Variants in HEPACAM2 observed in about 807,000 individuals in gnomAD.
The protein encoded by HEPACAM2 is HEPACAM family member 2, also known as mitotic kinetics regulator.
In HEPACAM2, 49 loss-of-function variants were observed where a neutral mutation model predicts 49.6. The ratio of observed to expected loss-of-function variants is 0.99; its 90% CI spans 0.78 to 1.25. The LOEUF is 1.25. Among genes scored for constraint, HEPACAM2 ranks in the 50% most tolerant of loss-of-function variants. HEPACAM2 has a pLI of 0.00. For synonymous variants in HEPACAM2, 197 were observed against 202.9 expected (o/e 0.97, Z 0.25); for missense variants, 525 against 557.2 (o/e 0.94, Z 0.58).
chr7:93,219,704 G>T (rs1016757912), intron 1 of HEPACAM2: 23 of 533,028 alleles, frequency 4.3e-5, no homozygotes, highest in Non-Finnish European at 6.7e-5. Context: ...TATTTTCTAC[G>T]ATTGCTACGG....
intron 3 of HEPACAM2, among the ~76,000 whole-genome samples, chr7:93,210,590 G>A (rs1794154383): frequency 6.6e-6 from 1 of 151,826 alleles, no homozygotes; most frequent in South Asian, 2.1e-4. Context: ...TTATTTGAGA[G>A]ATGATGCTAA....
At position 93,208,575 on chromosome 7, in the gene HEPACAM2, C is replaced by T. The variant is rs772075184; in HGVS notation, c.1012+5G>A. The T allele has an allele frequency of 1.3e-5, 21 of 1,609,512 alleles. No individual in the cohort carries two copies. The highest frequency in any genetic ancestry group is 8.5e-7 in the Non-Finnish European group (1 of 1,177,218). ...TAGGATCCCTTCCTTGTATGTCACA[C>T]ATACCTACGGAAGTGATGATAACTG... On this transcript the variant is annotated splice_donor_5th_base_variant and intron_variant, in intron 4 of 9. Transcript: ENST00000394468.
At position 93,189,081 on chromosome 7, in the gene HEPACAM2, GTA is replaced by G. The variant is rs1177474038; in HGVS notation, c.*184_*185del. 3.8e-6 allele frequency: 2 copies of G among 526,062 alleles called. No homozygotes were observed. Among genetic ancestry groups the G allele is most frequent in the Non-Finnish European group, 6.7e-6 (2 of 297,280 alleles). 32.6% of individuals were successfully genotyped at this position (526,062 alleles called of 1,614,324 possible). A position where few individuals can be genotyped will look rare whatever the true frequency, so the allele number is the denominator to read the frequency against. On this transcript the variant is annotated 3_prime_UTR_variant, in exon 10 of 10. Coordinates refer to ENST00000394468, the MANE Select transcript of HEPACAM2 (RefSeq NM_001039372.4). The stretch of plus-strand genomic sequence containing the variant: ...GTTTTTCTGTTGCACAAGACATTGT[GTA>G]TATGCTGAAAAACCTGCAGTTCAAT...
At chr7:93,196,495 A>G (rs1382315754) in intron 7 of HEPACAM2, among the ~76,000 whole-genome samples, 1 of 152,110 alleles carries the variant, frequency 6.6e-6, no homozygotes, top group Non-Finnish European at 1.5e-5. Context: ...ATAAGTCAGG[A>G]AGGGCTAGAA....
intron 4 of HEPACAM2, among the ~76,000 whole-genome samples, chr7:93,202,236 T>C (rs1462062431): frequency 6.6e-6 from 1 of 150,540 alleles, no homozygotes; most frequent in Non-Finnish European, 1.5e-5. Flanking sequence ...AAGGGAATTT[T>C]CAGATAATGC....
chr7:93,201,971 A>G (rs976490333), intron 4 of HEPACAM2, among the ~76,000 whole-genome samples: 5 of 150,856 alleles, frequency 3.3e-5, no homozygotes, highest in African/African-American at 1.2e-4. Flanking sequence ...TGTCAATAAG[A>G]TAAAGGCAAA....
chr7:93,214,164 C>A (rs1356028407), intron 3 of HEPACAM2, among the ~76,000 whole-genome samples: 1 of 151,996 alleles, frequency 6.6e-6, no homozygotes. Context: ...TTAGCACAAA[C>A]AAGACCCTGA....
At chr7:93,199,533 G>C (rs1419080040) in intron 4 of HEPACAM2, among the ~76,000 whole-genome samples, 2 of 152,052 alleles carry the variant, frequency 1.3e-5, no homozygotes, top group Non-Finnish European at 2.9e-5. Flanking sequence ...TGAGCCCCTT[G>C]ACTCTCAGGG....
upstream of HEPACAM2, among the ~76,000 whole-genome samples, chr7:93,230,341 G>A (rs1405345441): frequency 6.6e-6 from 1 of 152,150 alleles, no homozygotes; most frequent in Non-Finnish European, 1.5e-5. Context: ...CATCTTTACA[G>A]CATGGATTTG....
intron 1 of HEPACAM2, among the ~76,000 whole-genome samples, chr7:93,221,817 T>TC (rs1794457249): frequency 6.6e-6 from 1 of 152,202 alleles, no homozygotes; most frequent in African/African-American, 2.4e-5. Flanking sequence ...AGAATTTTTT[T>TC]TTCTTCTGAT....
intron 1 of HEPACAM2, among the ~76,000 whole-genome samples, chr7:93,223,275 T>C (rs752221235): frequency 6.6e-5 from 10 of 152,222 alleles, no homozygotes; most frequent in Non-Finnish European, 1.0e-4. Flanking sequence ...TGGGAGGCAC[T>C]ATATTACTAT....
At chr7:93,209,159 G>A (rs1794112978) in intron 3 of HEPACAM2, among the ~76,000 whole-genome samples, 1 of 151,952 alleles carries the variant, frequency 6.6e-6, no homozygotes, top group Admixed American at 6.6e-5. Flanking sequence ...TACAAATACT[G>A]TCATCATAAT....
Position 93,208,888 on chromosome 7 carries a change from TAA to T in HEPACAM2, c.716-14_716-13del. On this transcript the variant is annotated splice_polypyrimidine_tract_variant and intron_variant, in intron 3 of 9. Coordinates refer to ENST00000394468, the MANE Select transcript of HEPACAM2 (RefSeq NM_001039372.4). ...TCCATAAGGTCCATCTGCATCAATA[TAA>T]AAAAAAATAGATAAGTAACACAAGT... The T allele has an allele frequency of 6.6e-7, 1 of 1,509,016 alleles. No individual in the cohort carries two copies. The allele number at this position is 1,509,016 out of a possible 1,614,324, so 93.5% of individuals were successfully genotyped here.
Position 93,197,542 on chromosome 7 carries a change from A to C in HEPACAM2, c.1081T>G (p.Phe361Val), listed in dbSNP as rs781228026. ...AGAAGACACATGGATATAATCAAAA[A>C]TAGTGATATTCCAGTTATACTTGCT... ...PLASITGISLFLIISMCLLFL... is the reference protein window; with the variant it reads ...PLASITGISLVLIISMCLLFL... Residue 361 changes from phenylalanine to valine, a missense_variant, in exon 5 of 10, where the codon TTT becomes GTT. Coordinates refer to ENST00000394468, the MANE Select transcript of HEPACAM2 (RefSeq NM_001039372.4). 6.3e-6 allele frequency: 10 copies of C among 1,597,474 alleles called. No individual in the cohort carries two copies. In the African/African-American group the frequency reaches 1.2e-4, roughly 19 times the overall value.
At chr7:93,191,515 A>G (rs111326551) in intron 9 of HEPACAM2, among the ~76,000 whole-genome samples, 4,776 of 152,262 alleles carry the variant, frequency 0.031, 97 homozygotes, top group African/African-American at 0.061. Flanking sequence ...TTCAAAGTCA[A>G]TAAGTGACAA....
At chr7:93,215,290 A>G (rs1433428085) in intron 3 of HEPACAM2, 111 bp downstream of exon 3, 3 of 937,810 alleles carry the variant, frequency 3.2e-6, no homozygotes, top group Non-Finnish European at 3.2e-6. Context: ...AACTACAATA[A>G]TGGTAAAAAG....
rs1482819736 is a variant in HEPACAM2 at position 93,189,039 on chromosome 7, G to T, written c.*228C>A. 4.0e-6 allele frequency: 2 copies of T among 502,864 alleles called. No individual in the cohort carries two copies. 31.2% of individuals were successfully genotyped at this position (502,864 alleles called of 1,614,324 possible). On this transcript the variant is annotated 3_prime_UTR_variant, in exon 10 of 10. Transcript: ENST00000394468. The stretch of plus-strand genomic sequence containing the variant: ...AGCATGAGAACGACTCTCCACTGAG[G>T]AATATTTCCCCAACATGTTTTTCTG...
At chr7:93,219,777 A>G (rs1169330698) in intron 1 of HEPACAM2, among the ~76,000 whole-genome samples, 3 of 152,228 alleles carry the variant, frequency 2.0e-5, no homozygotes, top group Non-Finnish European at 4.4e-5. Context: ...AACCATTAAA[A>G]CATTTGGAAT....
Position 93,203,352 on chromosome 7 carries a change from A to G in HEPACAM2, c.1012+5228T>C, listed in dbSNP as rs1291446414. 2.0e-5 allele frequency among the ~76,000 whole-genome samples: 3 copies of G among 152,116 alleles called. No individual in the cohort carries two copies. In the East Asian group the frequency reaches 5.8e-4, roughly 29 times the overall value. On this transcript the variant is annotated intron_variant, in intron 4 of 9. Coordinates refer to ENST00000394468, the MANE Select transcript of HEPACAM2 (RefSeq NM_001039372.4). ...TGCCAAATATGTAAAGGATCAAATC[A>G]AGGGGCACAGTTGTTGTGGTCTCAG...
Sources: gnomAD v4.1 joint callset for allele counts (sites outside exome capture counted in the v4.1 genomes callset) on GRCh38, gnomAD v4.1.1 for gene constraint, MANE v1.5 for transcripts, NCBI Gene and HGNC (gene_info 2026-07-23, HGNC 2026-07-21) for gene names.